The following TRPM8 variants were observed in gnomAD, a reference collection of about 807,000 sequenced individuals.
TRPM8 encodes TRPM8 cationic channel.
TRPM8 carries 110 observed loss-of-function variants against 133.7 expected under a neutral mutation model. The ratio of observed to expected loss-of-function variants is 0.82; its 90% CI spans 0.70 to 0.96. TRPM8 has a LOEUF of 0.96. Among genes scored for constraint, TRPM8 ranks in the 40% least tolerant of loss-of-function variants. The pLI, the probability that TRPM8 is intolerant of heterozygous loss-of-function variation, is 0.00. For missense variants in TRPM8, 1,291 were observed against 1,379.5 expected, an observed-to-expected ratio of 0.94 and a Z score of 1.02; for synonymous variants, 535 against 532.3, an observed-to-expected ratio of 1.01 and a Z score of -0.07.
At chr2:233,963,235 G>C (rs769403112) in intron 12 of TRPM8, 47 bp from the exon 13 acceptor site, 8 of 1,374,798 alleles carry the variant, frequency 5.8e-6, no homozygotes, top group Non-Finnish European at 6.2e-6. Flanking sequence ...CCTGATCCCA[G>C]AACAGTTTCC....
At position 233,970,401 on chromosome 2, in the gene TRPM8, T is replaced by C. The variant is rs766286039; in HGVS notation, c.2330T>C (p.Val777Ala). The C allele has an allele frequency of 6.2e-7, 1 of 1,613,914 alleles. No homozygotes were observed. The highest frequency in any genetic ancestry group is 1.3e-5 in the African/African-American group (1 of 74,866). Residue 777 changes from valine (V) to alanine (A), a missense_variant, in exon 17 of 26, where the codon GTC becomes GCC. This residue lies in a region of TRPM8 where 328 missense variants were observed against 410.6 expected (regional missense o/e 0.80). Coordinates refer to ENST00000324695, the MANE Select transcript of TRPM8 (RefSeq NM_024080.5). Reference sequence around the variant, plus strand: ...CTGGTCCTGTACTCGCTGGTCTTTGTCCTCTTCTGTGATGAAGTGAGACAG... The same window carrying C: ...CTGGTCCTGTACTCGCTGGTCTTTGCCCTCTTCTGTGATGAAGTGAGACAG... ...PELVLYSLVF[V>A]LFCDEVRQWY...
chr2:234,015,356 A>ATT (rs539984236), intron 25 of TRPM8, among the ~76,000 whole-genome samples: 43 of 147,154 alleles, frequency 2.9e-4, no homozygotes, highest in African/African-American at 4.2e-4. Flanking sequence ...CTGGATTAGA[A>ATT]TTTTTTTTTT....
At chr2:233,985,578 A>G in intron 20 of TRPM8, 110 bp from the exon 21 acceptor site, 1 of 1,034,236 alleles carries the variant, frequency 9.7e-7, no homozygotes, top group Non-Finnish European at 1.4e-6. Flanking sequence ...CCTTAGACGA[A>G]GGCCTAAGAC....
In TRPM8 at chr2:233,989,126, G is replaced by T. The variant is rs938304789; in HGVS notation, c.2939+3261G>T. On this transcript the variant is annotated intron_variant, in intron 21 of 25. Coordinates refer to ENST00000324695, the MANE Select transcript of TRPM8 (RefSeq NM_024080.5). This position sits in a 1 kb window ranked among gnomAD's most constrained non-coding sequence, Gnocchi z 4.2. ...ATGGTAAAATATTTAGAGCTTTTTT[G>T]AATCTATGCACATGAGCTGTCTGAA... 6.6e-6 allele frequency among the ~76,000 whole-genome samples: 1 copy of T among 152,100 alleles called. No homozygotes were observed. The highest frequency in any genetic ancestry group is 2.4e-5 in the African/African-American group (1 of 41,422).
intron 21 of TRPM8, among the ~76,000 whole-genome samples, chr2:233,993,135 A>G (rs1221541692): frequency 4.6e-5 from 7 of 152,192 alleles, no homozygotes; most frequent in African/African-American, 1.7e-4. Flanking sequence ...TGCATTATTT[A>G]TGCAAAACGG....
intron 19 of TRPM8, 141 bp downstream of exon 19, chr2:233,982,056 C>T (rs1213219464): frequency 1.1e-6 from 1 of 932,660 alleles, no homozygotes; most frequent in Non-Finnish European, 1.5e-6. Context: ...TGTATTTCAT[C>T]AGGGGCCTCT....
intron 24 of TRPM8, among the ~76,000 whole-genome samples, chr2:234,010,489 C>A (rs1692809187): frequency 6.6e-6 from 1 of 152,138 alleles, no homozygotes; most frequent in African/African-American, 2.4e-5. Flanking sequence ...TTCTTTTGGA[C>A]CTAAACCCAG....
At position 233,980,285 on chromosome 2, in the gene TRPM8, T is replaced by C. The variant is rs1357714301; in HGVS notation, c.2447+6T>C. On this transcript the variant is annotated splice_donor_region_variant and intron_variant, in intron 18 of 25. Transcript: ENST00000324695. ...ATAGCAGGAATTGTATTTCGGTAAGTAGTCTCATCACTTTTCCTAATTTTC... is the reference window on the plus strand; with the variant it reads ...ATAGCAGGAATTGTATTTCGGTAAGCAGTCTCATCACTTTTCCTAATTTTC... The C allele has an allele frequency of 2.5e-6, 4 of 1,575,434 alleles. No individual in the cohort carries two copies. The highest frequency in any genetic ancestry group is 3.4e-6 in the Non-Finnish European group (4 of 1,161,090).
At position 234,019,368 on chromosome 2, in the gene TRPM8, G is replaced by A. The variant is rs1254739966; in HGVS notation, c.*2112G>A. On this transcript the variant is annotated 3_prime_UTR_variant, in exon 26 of 26. Coordinates refer to ENST00000324695, the MANE Select transcript of TRPM8 (RefSeq NM_024080.5). ...CTTATGAAAAATCATTATTTTTAGT[G>A]TAGTTCACAATAATGTATTGAACAT... 6.6e-6 allele frequency: 1 copy of A among 152,150 alleles called. No homozygotes were observed. The highest frequency in any genetic ancestry group is 1.5e-5 in the Non-Finnish European group (1 of 68,032). The allele number at this position is 152,150 out of a possible 1,614,324, so 9.4% of individuals were successfully genotyped here. A position where few individuals can be genotyped will look rare whatever the true frequency, so the allele number is the denominator to read the frequency against.
At chr2:233,945,768 A>G (rs1691025592) in intron 6 of TRPM8, 88 bp from the exon 7 acceptor site, 2 of 1,254,004 alleles carry the variant, frequency 1.6e-6, no homozygotes, top group South Asian at 1.4e-5. Context: ...AACCCAAAGT[A>G]TTAGCTTTCA....
At chr2:233,998,974 C>T (rs766816338) in intron 22 of TRPM8, among the ~76,000 whole-genome samples, 24 of 152,156 alleles carry the variant, frequency 1.6e-4, no homozygotes, top group Admixed American at 3.3e-4. Flanking sequence ...GGTTGGACCA[C>T]GCTTTGGTAC....
rs757066602 is a variant in TRPM8 at position 234,006,821 on chromosome 2, AT to A, written c.3131-29del. The A allele has an allele frequency of 3.3e-6, 5 of 1,534,014 alleles. No individual in the cohort carries two copies. The African/African-American group carries it at 4.1e-5, about 13-fold the overall frequency. ...TAGGAAGCAAGGGGCAAATGAAACA[AT>A]TTGAATGTTTTCTTTTTCTCATTAT... On this transcript the variant is annotated intron_variant, in intron 22 of 25. Transcript: ENST00000324695.
At chr2:233,938,849 G>A (rs980988060) in intron 4 of TRPM8, 149 bp from the exon 5 acceptor site, 1 of 797,806 alleles carries the variant, frequency 1.3e-6, no homozygotes, top group South Asian at 2.0e-5. Flanking sequence ...CGCCCGCCTG[G>A]GACCCCCAAT....
intron 17 of TRPM8, among the ~76,000 whole-genome samples, chr2:233,978,681 T>C (rs985534531): frequency 2.0e-5 from 3 of 152,198 alleles, no homozygotes; most frequent in African/African-American, 7.2e-5. Context: ...ATCTTTTTCC[T>C]AGATTATGCT....
At chr2:233,924,377 C>A (rs981732639) in intron 1 of TRPM8, among the ~76,000 whole-genome samples, 11 of 152,322 alleles carry the variant, frequency 7.2e-5, no homozygotes, top group Non-Finnish European at 1.6e-4. Context: ...TCCACAGACC[C>A]CTCCTCTCAC....
chr2:233,938,269 A>C (rs1056668604), intron 4 of TRPM8, among the ~76,000 whole-genome samples: 4 of 152,224 alleles, frequency 2.6e-5, no homozygotes, highest in Non-Finnish European at 5.9e-5. Flanking sequence ...CTCTGCCTTC[A>C]GGACAAAGTC....
intron 17 of TRPM8, among the ~76,000 whole-genome samples, chr2:233,973,431 C>T (rs532345493): frequency 2.0e-5 from 3 of 152,140 alleles, no homozygotes; most frequent in Non-Finnish European, 2.9e-5. Context: ...CTTGGCTTGT[C>T]GATGCATCCC....
chr2:233,962,941 G>T (rs200257526), intron 12 of TRPM8, among the ~76,000 whole-genome samples: 42 of 152,186 alleles, frequency 2.8e-4, no homozygotes, highest in African/African-American at 8.7e-4. Context: ...CTAGTTTGAA[G>T]AATTTTTTTC....
At chr2:233,925,342 C>T (rs1323015052) in intron 1 of TRPM8, among the ~76,000 whole-genome samples, 3 of 152,194 alleles carry the variant, frequency 2.0e-5, no homozygotes, top group Admixed American at 6.5e-5. Flanking sequence ...GATCATTAAA[C>T]AAATCATGAT....
Sources: gnomAD v4.1 joint callset for allele counts (sites outside exome capture counted in the v4.1 genomes callset) on GRCh38, gnomAD v4.1.1 for gene constraint, gnomAD v4.1.1 regional missense constraint, Gnocchi (gnomAD v3.1) non-coding constraint, MANE v1.5 for transcripts, NCBI Gene and HGNC (gene_info 2026-07-23, HGNC 2026-07-21) for gene names.